The following HNRNPC variants were observed in gnomAD, a reference collection of about 807,000 sequenced individuals.
HNRNPC encodes heterogeneous nuclear ribonucleoproteins C1/C2.
A neutral mutation model predicts 33.2 loss-of-function variants in HNRNPC; 3 were observed. The observed-to-expected ratio is 0.09, with a 90% CI of 0.04 to 0.23. HNRNPC has a LOEUF of 0.23. HNRNPC is among the 10% of genes least tolerant of loss of function. The pLI, the probability that HNRNPC is intolerant of heterozygous loss-of-function variation, is 1.00. For missense variants in HNRNPC, 143 were observed against 366.7 expected (o/e 0.39, Z 4.98); for synonymous variants, 121 against 126.7 (o/e 0.96, Z 0.30).
rs200073326 is a variant in HNRNPC at position 21,211,544 on chromosome 14, T to C, written c.660A>G (p.Ser220=). The change falls in exon 8 of 9, where the codon TCA becomes TCG. Residue 220 remains serine (S), a synonymous_variant. Coordinates refer to ENST00000553300, the MANE Select transcript of HNRNPC (RefSeq NM_004500.4). ...KQAVEMKNDK[S]EEEQSSSSVK... ...CGGAGCTGCTGCTCTGCTCCTCTTC[T>C]GACTTATCATTCTTCATCTCTACTG... The C allele has an allele frequency of 6.2e-7, 1 of 1,611,186 alleles. No individual in the cohort carries two copies. The highest frequency in any genetic ancestry group is 8.5e-7 in the Non-Finnish European group (1 of 1,178,690).
chr14:21,259,337 T>C (rs1877777328), intron 2 of HNRNPC, among the ~76,000 whole-genome samples: 1 of 152,188 alleles, frequency 6.6e-6, no homozygotes. Flanking sequence ...TCATCGATCC[T>C]TACTGTGAAA....
intron 1 of HNRNPC, among the ~76,000 whole-genome samples, chr14:21,267,095 CAAAAAAAAAAAAAAAAAA>C (rs56203257): frequency 0.48 from 51,026 of 106,328 alleles, 9,310 homozygotes; most frequent in Admixed American, 0.57. Flanking sequence ...GACTCCGTCT[CAAAAAAAAAAAAAAAAAA>C]AAAAAAAAAA....
At chr14:21,263,710 TA>T (rs2139046200) in intron 1 of HNRNPC, 1 of 152,306 alleles carries the variant, frequency 6.6e-6, no homozygotes, top group African/African-American at 2.4e-5. Flanking sequence ...TCATTATGTT[TA>T]AAATGTCTTT....
chr14:21,256,078 C>T (rs569075363), intron 2 of HNRNPC, among the ~76,000 whole-genome samples: 1 of 151,526 alleles, frequency 6.6e-6, no homozygotes, highest in South Asian at 2.1e-4. Context: ...ACGTGGGATG[C>T]CCTGTAAATC....
chr14:21,248,657 A>G (rs1391387175), intron 2 of HNRNPC, among the ~76,000 whole-genome samples: 1 of 152,198 alleles, frequency 6.6e-6, no homozygotes, highest in Non-Finnish European at 1.5e-5. Context: ...AAAGATTAAC[A>G]CTATCAAGGA....
chr14:21,254,677 G>A (rs1219124117), intron 2 of HNRNPC: 3 of 152,120 alleles, frequency 2.0e-5, no homozygotes, highest in African/African-American at 7.2e-5. Flanking sequence ...AGGCCGAGAT[G>A]GGCGGATTGC....
intron 4 of HNRNPC, 174 bp downstream of exon 4, chr14:21,230,823 T>C (rs769180665): frequency 4.1e-5 from 27 of 659,274 alleles, no homozygotes; most frequent in Non-Finnish European, 6.6e-5. Flanking sequence ...AGAGACATAT[T>C]AACACAAAAA....
intron 2 of HNRNPC, among the ~76,000 whole-genome samples, chr14:21,241,784 A>C (rs765476935): frequency 1.8e-4 from 28 of 152,368 alleles, no homozygotes; most frequent in Non-Finnish European, 3.7e-4. Flanking sequence ...TTAATCAAAA[A>C]CAGTATCTCA....
At chr14:21,232,250 T>C (rs368845137) in intron 3 of HNRNPC, among the ~76,000 whole-genome samples, 2 of 152,292 alleles carry the variant, frequency 1.3e-5, no homozygotes, top group East Asian at 3.9e-4. Context: ...TTCCCAGTCA[T>C]GCTACAGCAC....
At chr14:21,213,954 T>C (rs1298449915) in intron 5 of HNRNPC, among the ~76,000 whole-genome samples, 1 of 152,204 alleles carries the variant, frequency 6.6e-6, no homozygotes, top group Non-Finnish European at 1.5e-5. Context: ...ATCCCAGTGA[T>C]TGATAAAGAT....
chr14:21,214,074 T>G (rs963422828), intron 5 of HNRNPC, among the ~76,000 whole-genome samples: 1 of 152,242 alleles, frequency 6.6e-6, no homozygotes, highest in Admixed American at 6.5e-5. Flanking sequence ...TTCCACATTG[T>G]CATTTCCATA....
intron 2 of HNRNPC, among the ~76,000 whole-genome samples, chr14:21,236,818 ATC>A (rs748664226): frequency 1.3e-5 from 2 of 152,274 alleles, no homozygotes; most frequent in East Asian, 1.9e-4. Flanking sequence ...TAGTTTTTGA[ATC>A]TCTGACTCCC....
chr14:21,226,890 A>G (rs200961536), intron 5 of HNRNPC, among the ~76,000 whole-genome samples: 3 of 108,920 alleles, frequency 2.8e-5, no homozygotes, highest in Non-Finnish European at 5.5e-5. Flanking sequence ...AAAAAAAAAA[A>G]AAAAAGGGGG....
At chr14:21,268,600 TGAGA>T (rs749277507) in intron 1 of HNRNPC, 34 of 152,320 alleles carry the variant, frequency 2.2e-4, no homozygotes, top group Non-Finnish European at 4.1e-4. Context: ...AGTTTCCGTC[TGAGA>T]AAGAGAGTTA....
At chr14:21,267,647 C>G (rs1879241418) in intron 1 of HNRNPC, among the ~76,000 whole-genome samples, 1 of 152,110 alleles carries the variant, frequency 6.6e-6, no homozygotes, top group Non-Finnish European at 1.5e-5. Flanking sequence ...TAGTTGAGAA[C>G]ACACCTAGAA....
rs28441482 is a variant in HNRNPC, at chr14:21,224,840, C to G, written c.365+5479G>C. 4.7e-3 allele frequency among the ~76,000 whole-genome samples: 716 copies of G among 152,218 alleles called. 4 individuals are homozygous for G. The highest frequency in any genetic ancestry group is 0.041 in the Middle Eastern group (12 of 294). On this transcript the variant is annotated intron_variant, in intron 5 of 8. Coordinates refer to ENST00000553300, the MANE Select transcript of HNRNPC (RefSeq NM_004500.4). ...GACCTGTGAGTTCTTGAAGATTTGTCTATTTCTAATGCACTGACATATTAA... is the reference window on the plus strand; with the variant it reads ...GACCTGTGAGTTCTTGAAGATTTGTGTATTTCTAATGCACTGACATATTAA...
chr14:21,248,797 G>A (rs891423545), intron 2 of HNRNPC, among the ~76,000 whole-genome samples: 5 of 152,094 alleles, frequency 3.3e-5, no homozygotes, highest in African/African-American at 9.7e-5. Context: ...TCCAGAAAAC[G>A]GGATCATTAC....
chr14:21,237,808 G>A (rs575805299), intron 2 of HNRNPC, among the ~76,000 whole-genome samples: 4 of 151,776 alleles, frequency 2.6e-5, no homozygotes, highest in Non-Finnish European at 5.9e-5. Flanking sequence ...AGTTTCACTC[G>A]TTGCCAAGGA....
rs141474828 is a variant in HNRNPC, at chr14:21,227,013, G to A, written c.365+3306C>T. Among the ~76,000 whole-genome samples the A allele has an allele frequency of 1.6e-4, 24 of 151,602 alleles. 1 individual carries two copies. In the East Asian group the frequency reaches 3.7e-3, roughly 23 times the overall value. ...AATTTAACATAGTCAATGAAGTATC[G>A]CTGTTACCATTTAAAATAAAAATCT... On this transcript the variant is annotated intron_variant, in intron 5 of 8. Coordinates refer to ENST00000553300, the MANE Select transcript of HNRNPC (RefSeq NM_004500.4).
Sources: gnomAD v4.1 joint callset for allele counts (sites outside exome capture counted in the v4.1 genomes callset) on GRCh38, gnomAD v4.1.1 for gene constraint, MANE v1.5 for transcripts, NCBI Gene and HGNC (gene_info 2026-07-23, HGNC 2026-07-21) for gene names.